Variants in ASTN2 observed in about 807,000 individuals in gnomAD.
ASTN2 encodes the protein astrotactin-2.
ASTN2 carries 54 observed loss-of-function variants against 139.8 expected under a neutral mutation model. That is an observed-to-expected ratio of 0.39 (90% CI 0.31 to 0.48). The LOEUF (loss-of-function observed/expected upper bound fraction) is 0.48, where lower values mean the gene tolerates loss of function less well. Ranked by LOEUF, ASTN2 falls within the 20% of genes least tolerant of loss-of-function variation. The pLI, the probability that ASTN2 is intolerant of heterozygous loss-of-function variation, is 0.95. For missense variants in ASTN2, 1,565 were observed against 1,725.1 expected, an observed-to-expected ratio of 0.91 and a Z score of 1.64; for synonymous variants, 756 against 719.5, an observed-to-expected ratio of 1.05 and a Z score of -0.81.
At chr9:116,496,239 C>T (rs1849665221) in intron 19 of ASTN2, among the ~76,000 whole-genome samples, 1 of 152,164 alleles carries the variant, frequency 6.6e-6, no homozygotes. Context: ...AATTTGTTCA[C>T]TTAGAATGGT....
intron 17 of ASTN2, among the ~76,000 whole-genome samples, chr9:116,644,571 AC>A (rs200717567): frequency 0.011 from 1,609 of 152,270 alleles, 23 homozygotes; most frequent in African/African-American, 0.036. Context: ...TGGCTATGTG[AC>A]CTGAAAAAAC....
intron 19 of ASTN2, among the ~76,000 whole-genome samples, chr9:116,557,223 CAAAAA>C (rs60756690): frequency 1.9e-5 from 1 of 53,594 alleles, no homozygotes; most frequent in African/African-American, 7.5e-5. Context: ...GACTCTGTCT[CAAAAA>C]AAAAAAAAAA....
chr9:116,748,299 C>T (rs1046581325), intron 13 of ASTN2, among the ~76,000 whole-genome samples: 2 of 152,106 alleles, frequency 1.3e-5, no homozygotes, highest in Non-Finnish European at 2.9e-5. Flanking sequence ...TGAATAATTC[C>T]CTGGTTAAAA....
intron 11 of ASTN2, among the ~76,000 whole-genome samples, chr9:116,830,971 C>T (rs1218814232): frequency 6.7e-6 from 1 of 149,192 alleles, no homozygotes; most frequent in Non-Finnish European, 1.5e-5. Context: ...CCTCCCTTCT[C>T]CCCACCCACC....
chr9:116,747,668 C>G (rs1829280920), intron 13 of ASTN2, among the ~76,000 whole-genome samples: 1 of 151,622 alleles, frequency 6.6e-6, no homozygotes, highest in East Asian at 1.9e-4. Flanking sequence ...ACTGCCCACC[C>G]TCATTTATAC....
chr9:116,950,053 T>C (rs545696434), intron 10 of ASTN2, among the ~76,000 whole-genome samples: 8 of 152,234 alleles, frequency 5.3e-5, no homozygotes, highest in Non-Finnish European at 7.4e-5. Flanking sequence ...CAGAGGTCTA[T>C]CAAAGAATAT....
intron 6 of ASTN2, among the ~76,000 whole-genome samples, chr9:117,034,815 A>G (rs1054915904): frequency 1.3e-5 from 2 of 152,180 alleles, no homozygotes; most frequent in African/African-American, 2.4e-5. Flanking sequence ...AGGAGGGCAA[A>G]AAGCCACTGA....
intron 13 of ASTN2, among the ~76,000 whole-genome samples, chr9:116,740,905 T>C (rs558941153): frequency 1.3e-5 from 2 of 151,540 alleles, no homozygotes; most frequent in South Asian, 2.1e-4. Flanking sequence ...GCACAGTGCC[T>C]TTCTCACTGT....
intron 19 of ASTN2, among the ~76,000 whole-genome samples, chr9:116,500,406 C>T (rs539564115): frequency 6.6e-6 from 1 of 152,260 alleles, no homozygotes; most frequent in South Asian, 2.1e-4. Context: ...TTTCTAACCC[C>T]TGATCCCGTG....
chr9:117,338,987 A>C (rs1275313926), intron 1 of ASTN2, among the ~76,000 whole-genome samples: 1 of 152,066 alleles, frequency 6.6e-6, no homozygotes, highest in East Asian at 1.9e-4. Flanking sequence ...ACAGGTAGAC[A>C]CTAGGATGTA....
At chr9:117,377,375 C>A (rs1830150616) in intron 1 of ASTN2, among the ~76,000 whole-genome samples, 1 of 152,150 alleles carries the variant, frequency 6.6e-6, no homozygotes, top group South Asian at 2.1e-4. Context: ...AGAGAAGGCC[C>A]TTGGGGCAGG....
intron 11 of ASTN2, among the ~76,000 whole-genome samples, chr9:116,822,205 G>A (rs1831505316): frequency 2.1e-5 from 3 of 141,656 alleles, no homozygotes; most frequent in African/African-American, 7.9e-5. Flanking sequence ...AAAAAAAAAA[G>A]GTCAGCCCTC....
Position 116,605,210 on chromosome 9 carries a change from G to A in ASTN2, c.3355+13114C>T, listed in dbSNP as rs1262697679. On this transcript the variant is annotated intron_variant, in intron 19 of 22. Transcript: ENST00000313400. ...GCAGGAAGCAAGAGTGATACTGATC[G>A]GGGGGGAGAGGCCCAGTAGGCTCCC... Among the ~76,000 whole-genome samples the A allele has an allele frequency of 3.3e-5, 5 of 151,910 alleles. No individual in the cohort carries two copies. The East Asian group carries it at 7.8e-4, about 24-fold the overall frequency.
chr9:117,393,188 C>A (rs1353152392), intron 1 of ASTN2, among the ~76,000 whole-genome samples: 1 of 152,228 alleles, frequency 6.6e-6, no homozygotes, highest in African/African-American at 2.4e-5. Context: ...TGACCCTGAG[C>A]AGAAGGAGCC....
chr9:117,322,879 C>T (rs988905546), intron 1 of ASTN2, among the ~76,000 whole-genome samples: 1 of 152,136 alleles, frequency 6.6e-6, no homozygotes, highest in African/African-American at 2.4e-5. Flanking sequence ...TTTCAACACT[C>T]TCCTGTCTCT....
chr9:117,015,588 T>C (rs1837651659), intron 6 of ASTN2, among the ~76,000 whole-genome samples: 1 of 152,188 alleles, frequency 6.6e-6, no homozygotes, highest in East Asian at 1.9e-4. Context: ...CTGGTGTCTT[T>C]TCTGGTTCCA....
intron 11 of ASTN2, among the ~76,000 whole-genome samples, chr9:116,824,922 C>T: frequency 6.6e-6 from 1 of 152,134 alleles, no homozygotes; most frequent in East Asian, 1.9e-4. Flanking sequence ...AAAATAAAAA[C>T]TCTGCAAACT....
In ASTN2 at chr9:117,137,600, TAAAC is replaced by T. The variant is rs761862734; in HGVS notation, c.1168+3722_1168+3725del. ...TCAACATAGTATCAATACATTGAGTTAAACAAAGCAGCCTAGCTTTCTGTACTGC... is the reference window on the plus strand; with the variant it reads ...TCAACATAGTATCAATACATTGAGTTAAAGCAGCCTAGCTTTCTGTACTGC... On this transcript the variant is annotated intron_variant, in intron 4 of 22. Transcript: ENST00000313400. Among the ~76,000 whole-genome samples the T allele has an allele frequency of 2.6e-5, 4 of 152,230 alleles. No homozygotes were observed. The East Asian group carries it at 7.7e-4, about 29-fold the overall frequency.
At chr9:116,561,138 A>G (rs201901861) in intron 19 of ASTN2, among the ~76,000 whole-genome samples, 3 of 152,144 alleles carry the variant, frequency 2.0e-5, no homozygotes, top group East Asian at 3.9e-4. Flanking sequence ...AACTCATCCC[A>G]TGAGCACAAA....
Sources: allele counts gnomAD v4.1 joint callset (sites outside exome capture counted in the v4.1 genomes callset), GRCh38; gene constraint gnomAD v4.1.1; transcripts MANE v1.5; gene names NCBI Gene and HGNC (gene_info 2026-07-23, HGNC 2026-07-21).